HECW1: variants seen among roughly 807,000 people sequenced by gnomAD.
HECW1 encodes the protein HECT, C2 and WW domain containing E3 ubiquitin protein ligase 1, also known as E3 ubiquitin-protein ligase HECW1.
A neutral mutation model predicts 182.3 loss-of-function variants in HECW1; 61 were observed. That is an observed-to-expected ratio of 0.33 (90% CI 0.27 to 0.41). The LOEUF (loss-of-function observed/expected upper bound fraction) is 0.41, where lower values mean the gene tolerates loss of function less well. Ranked by LOEUF, HECW1 falls within the 10% of genes least tolerant of loss-of-function variation. The pLI is 1.00. For missense variants in HECW1, 1,739 were observed against 2,108.9 expected, an observed-to-expected ratio of 0.82 and a Z score of 3.44; for synonymous variants, 859 against 832.6, an observed-to-expected ratio of 1.03 and a Z score of -0.55.
chr7:43,310,610 T>C (rs1808386634), intron 3 of HECW1, among the ~76,000 whole-genome samples: 1 of 152,202 alleles, frequency 6.6e-6, no homozygotes, highest in South Asian at 2.1e-4. Context: ...CTCAGGCTAA[T>C]AGACTTTTTA....
chr7:43,180,987 C>T (rs1374250332), intron 2 of HECW1, among the ~76,000 whole-genome samples: 3 of 152,102 alleles, frequency 2.0e-5, no homozygotes, highest in African/African-American at 7.3e-5. Flanking sequence ...GCCGACCTCT[C>T]CTCATTCCTC....
At position 43,114,157 on chromosome 7, in the gene HECW1, A is replaced by G. The variant is rs1454812076; in HGVS notation, c.-266A>G. ...GTTTTCCCCCCTTCTCTTTGAAAAGATATCAATGCTATGTTCAGCAGAAAC... is the reference window on the plus strand; with the variant it reads ...GTTTTCCCCCCTTCTCTTTGAAAAGGTATCAATGCTATGTTCAGCAGAAAC... On this transcript the variant is annotated splice_region_variant and 5_prime_UTR_variant, in exon 2 of 30. Transcript: ENST00000395891. 1.0e-6 allele frequency: 1 copy of G among 1,002,434 alleles called. No individual in the cohort carries two copies. The highest frequency in any genetic ancestry group is 3.8e-5 in the East Asian group (1 of 26,664). The allele number at this position is 1,002,434 out of a possible 1,614,324, so 62.1% of individuals were successfully genotyped here. A position where few individuals can be genotyped will look rare whatever the true frequency, so the allele number is the denominator to read the frequency against.
intron 2 of HECW1, among the ~76,000 whole-genome samples, chr7:43,124,510 C>T (rs1039193564): frequency 6.6e-6 from 1 of 152,204 alleles, no homozygotes; most frequent in African/African-American, 2.4e-5. Flanking sequence ...CAGTGAAACA[C>T]GTTGTGAGCA....
At chr7:43,459,023 C>G (rs1391132689) in intron 13 of HECW1, among the ~76,000 whole-genome samples, 2 of 152,190 alleles carry the variant, frequency 1.3e-5, no homozygotes, top group African/African-American at 2.4e-5. Flanking sequence ...ATTCCCCAGA[C>G]GCGGCACACT....
At chr7:43,477,320 T>C (rs1286735351) in intron 16 of HECW1, among the ~76,000 whole-genome samples, 1 of 152,202 alleles carries the variant, frequency 6.6e-6, no homozygotes, top group African/African-American at 2.4e-5. Flanking sequence ...ATTCAACTTT[T>C]AGAAATGCAT....
At chr7:43,262,440 C>G (rs371797444) in intron 3 of HECW1, among the ~76,000 whole-genome samples, 1 of 152,124 alleles carries the variant, frequency 6.6e-6, no homozygotes, top group African/African-American at 2.4e-5. Flanking sequence ...ACTGAGGCTG[C>G]AGGGATAAGT....
At chr7:43,331,361 C>T (rs1199015548) in intron 5 of HECW1, among the ~76,000 whole-genome samples, 2 of 151,958 alleles carry the variant, frequency 1.3e-5, no homozygotes, top group Admixed American at 1.3e-4. Context: ...GAGGCTGAGG[C>T]GGGCGGATCA....
chr7:43,121,215 G>A (rs780881348), intron 2 of HECW1, among the ~76,000 whole-genome samples: 15 of 152,182 alleles, frequency 9.9e-5, no homozygotes, highest in South Asian at 4.2e-4. Flanking sequence ...AAGTAGACCC[G>A]GCAACTCAAT....
chr7:43,316,274 T>C (rs577556457), intron 4 of HECW1, among the ~76,000 whole-genome samples: 1 of 152,318 alleles, frequency 6.6e-6, no homozygotes, highest in East Asian at 1.9e-4. Flanking sequence ...TGAGGAACTT[T>C]TCTGTACATG....
At chr7:43,128,643 A>T (rs1786545614) in intron 2 of HECW1, among the ~76,000 whole-genome samples, 1 of 152,176 alleles carries the variant, frequency 6.6e-6, no homozygotes, top group African/African-American at 2.4e-5. Context: ...ATTGACTTTC[A>T]AGTCTTATTA....
At chr7:43,312,581 T>C (rs1372036891) in intron 4 of HECW1, among the ~76,000 whole-genome samples, 2 of 152,224 alleles carry the variant, frequency 1.3e-5, no homozygotes, top group Admixed American at 6.5e-5. Flanking sequence ...TTGGAGAAAG[T>C]TGACTTGCCT....
At chr7:43,336,515 G>A (rs1480778354) in intron 5 of HECW1, among the ~76,000 whole-genome samples, 1 of 152,018 alleles carries the variant, frequency 6.6e-6, no homozygotes, top group Non-Finnish European at 1.5e-5. Context: ...TCAGGACTCT[G>A]TGCAGACCAT....
intron 2 of HECW1, among the ~76,000 whole-genome samples, chr7:43,160,825 C>G (rs1000305287): frequency 6.6e-6 from 1 of 152,150 alleles, no homozygotes; most frequent in Non-Finnish European, 1.5e-5. Flanking sequence ...CAGGGACAAG[C>G]TCTTTTGTTC....
chr7:43,120,338 A>G (rs568672490), intron 2 of HECW1, among the ~76,000 whole-genome samples: 24 of 152,092 alleles, frequency 1.6e-4, no homozygotes, highest in African/African-American at 5.5e-4. Context: ...ACCACACACA[A>G]TGTGCTCTCT....
intron 20 of HECW1, 139 bp from the exon 21 acceptor site, chr7:43,501,074 G>C (rs1465680469): frequency 1.5e-5 from 9 of 612,806 alleles, no homozygotes; most frequent in African/African-American, 5.6e-5. Context: ...CTATCTTTCT[G>C]TACTACATTT....
In HECW1 at chr7:43,499,469, A is replaced by C. The variant is rs545205668; in HGVS notation, c.3438-1230A>C. On this transcript the variant is annotated intron_variant, in intron 19 of 29. Coordinates refer to ENST00000395891, the MANE Select transcript of HECW1 (RefSeq NM_015052.5). Reference sequence around the variant, plus strand: ...GGGCAACAGAGCAAGACTCTGTCTCAAAAAAAAAAGAAAGAAAGAAAGAAA... The same window carrying C: ...GGGCAACAGAGCAAGACTCTGTCTCCAAAAAAAAAGAAAGAAAGAAAGAAA... Among the ~76,000 whole-genome samples, 8 of 103,912 alleles carry C rather than the reference A, an allele frequency of 7.7e-5. No homozygotes were observed. The Admixed American group carries it at 8.3e-4, about 11-fold the overall frequency. 68.2% of individuals were successfully genotyped at this position (103,912 alleles called of 152,430 possible). A position where few individuals can be genotyped will look rare whatever the true frequency, so the allele number is the denominator to read the frequency against.
chr7:43,415,520 T>C (rs2075962667), intron 8 of HECW1, among the ~76,000 whole-genome samples: 3 of 152,154 alleles, frequency 2.0e-5, no homozygotes. Context: ...GAGTTGCTCT[T>C]CTCGAAGAGT....
intron 2 of HECW1, among the ~76,000 whole-genome samples, chr7:43,190,107 T>G (rs557266691): frequency 5.4e-4 from 81 of 149,558 alleles, no homozygotes; most frequent in African/African-American, 1.9e-3. Flanking sequence ...TGTTGTTGTT[T>G]GTTTGCTTTG....
chr7:43,411,199 C>A (rs1353559889), intron 8 of HECW1, among the ~76,000 whole-genome samples: 2 of 152,002 alleles, frequency 1.3e-5, no homozygotes, highest in African/African-American at 2.4e-5. Flanking sequence ...CTTTTATTAT[C>A]ATTCCGTCAA....
Sources: allele counts gnomAD v4.1 joint callset (sites outside exome capture counted in the v4.1 genomes callset), GRCh38; gene constraint gnomAD v4.1.1; transcripts MANE v1.5; gene names NCBI Gene and HGNC (gene_info 2026-07-23, HGNC 2026-07-21).